VIT: variants seen among roughly 807,000 people sequenced by gnomAD.
VIT encodes the protein vitrin.
VIT carries 99 observed loss-of-function variants against 78.0 expected under a neutral mutation model. That is an observed-to-expected ratio of 1.27 (90% CI 1.08 to 1.50). VIT has a LOEUF of 1.50. VIT is among the 40% of genes most tolerant of loss of function. The pLI is 0.00. For missense variants in VIT, 1,126 were observed against 875.3 expected (o/e 1.29, Z -3.61); for synonymous variants, 374 against 334.3 (o/e 1.12, Z -1.29).
Position 36,776,856 on chromosome 2 carries a change from A to G in VIT, c.802+1789A>G, listed in dbSNP as rs879265203. On this transcript the variant is annotated intron_variant, in intron 9 of 15. Transcript: ENST00000379242. ...CTGTATCCCAGCACTTTGGGAGGCC[A>G]AGGAGGGCAGATCACGAGGTCAGGA... Among the ~76,000 whole-genome samples the G allele has an allele frequency of 1.7e-3, 261 of 151,190 alleles. 1 individual carries two copies. Among genetic ancestry groups the G allele is most frequent in the African/African-American group, 5.1e-3 (211 of 41,406 alleles).
Position 36,766,119 on chromosome 2 carries a change from GAT to G in VIT, c.488-972_488-971del, listed in dbSNP as rs536199000. Among the ~76,000 whole-genome samples the G allele has an allele frequency of 2.9e-3, 444 of 152,368 alleles. 1 individual carries two copies. The highest frequency in any genetic ancestry group is 5.5e-3 in the Non-Finnish European group (375 of 68,046). On this transcript the variant is annotated intron_variant, in intron 6 of 15. Transcript: ENST00000379242. ...TGTCCCCTTGCTCTAAACCTTCAGA[GAT>G]ATTCTCAGAGCACTAACAAACTGAG...
chr2:36,806,462 A>G (rs76914362), intron 14 of VIT, among the ~76,000 whole-genome samples: 12 of 150,722 alleles, frequency 8.0e-5, no homozygotes, highest in South Asian at 2.1e-4. Context: ...TCTACCCTCA[A>G]TGTTGACCTC....
chr2:36,703,981 G>T (rs1279310920), intron 1 of VIT, among the ~76,000 whole-genome samples: 2 of 142,692 alleles, frequency 1.4e-5, no homozygotes, highest in African/African-American at 2.6e-5. Flanking sequence ...CTGGAGTGCA[G>T]TGGCACGATC....
chr2:36,725,612 G>GGGGGC (rs1666792949), intron 2 of VIT, among the ~76,000 whole-genome samples: 2 of 90,090 alleles, frequency 2.2e-5, no homozygotes, highest in African/African-American at 8.5e-5. Flanking sequence ...TGGGGGGGGG[G>GGGGGC]TGGGTAAACA....
chr2:36,729,656 C>T (rs7607654), intron 3 of VIT, among the ~76,000 whole-genome samples, 165 bp downstream of exon 3: 5 of 152,088 alleles, frequency 3.3e-5, no homozygotes, highest in African/African-American at 1.2e-4. Context: ...TACCACATTC[C>T]AAAAAGTATT....
chr2:36,723,575 G>A (rs1281057015), intron 2 of VIT, among the ~76,000 whole-genome samples: 2 of 152,050 alleles, frequency 1.3e-5, no homozygotes, highest in African/African-American at 4.8e-5. Context: ...ATAGTTTCAA[G>A]CTTATTCATT....
intron 1 of VIT, among the ~76,000 whole-genome samples, chr2:36,706,037 G>C (rs764401691): frequency 5.3e-5 from 8 of 152,178 alleles, no homozygotes; most frequent in Non-Finnish European, 1.2e-4. Flanking sequence ...GTGAACTACT[G>C]TCATAAATAT....
intron 8 of VIT, among the ~76,000 whole-genome samples, chr2:36,774,166 C>T (rs572918209): frequency 9.9e-5 from 15 of 152,218 alleles, no homozygotes; most frequent in South Asian, 6.2e-4. Context: ...TGAGGAACTA[C>T]GGTAAAACAC....
In VIT at chr2:36,804,842, A is replaced by T. The variant is rs372030184; in HGVS notation, c.1163-596A>T. On this transcript the variant is annotated intron_variant, in intron 13 of 15. Coordinates refer to ENST00000379242, the MANE Select transcript of VIT (RefSeq NM_053276.4). The stretch of plus-strand genomic sequence containing the variant: ...AGAATCTGTCTCAGGGAAAAAAAAA[A>T]AAAGTCTTTCTCACCTGCTTGCTGT... Among the ~76,000 whole-genome samples, 14 of 152,178 alleles carry T rather than the reference A, an allele frequency of 9.2e-5. 1 individual carries two copies. The South Asian group carries it at 2.9e-3, about 32-fold the overall frequency.
At chr2:36,702,966 C>A (rs907080501) in intron 1 of VIT, among the ~76,000 whole-genome samples, 5 of 152,208 alleles carry the variant, frequency 3.3e-5, no homozygotes, top group Non-Finnish European at 5.9e-5. Flanking sequence ...CTCCATGCAC[C>A]TGACTCAGAC....
chr2:36,754,911 C>T lies in VIT; in HGVS notation c.276-10C>T. On this transcript the variant is annotated splice_polypyrimidine_tract_variant and intron_variant, in intron 4 of 15. Coordinates refer to ENST00000379242, the MANE Select transcript of VIT (RefSeq NM_053276.4). ...GTTCTTTCCTGAAAAATTATTTTTT[C>T]TCTTCATAGTGGTGTGCTTGATAAT... 1.3e-6 allele frequency: 2 copies of T among 1,598,770 alleles called. No homozygotes were observed. Among genetic ancestry groups the T allele is most frequent in the Admixed American group, 1.8e-5 (1 of 55,956 alleles).
At chr2:36,717,357 T>C (rs1337975084) in intron 2 of VIT, among the ~76,000 whole-genome samples, 35 of 141,738 alleles carry the variant, frequency 2.5e-4, no homozygotes, top group African/African-American at 8.8e-4. Flanking sequence ...TGTGTGTGTG[T>C]GTGTGTGTGT....
intron 3 of VIT, among the ~76,000 whole-genome samples, chr2:36,734,651 A>G (rs984337264): frequency 6.6e-6 from 1 of 152,218 alleles, no homozygotes; most frequent in African/African-American, 2.4e-5. Context: ...CTGCCATTCC[A>G]GTACATCTAT....
At chr2:36,709,095 A>G (rs1309197911) in intron 1 of VIT, among the ~76,000 whole-genome samples, 1 of 152,222 alleles carries the variant, frequency 6.6e-6, no homozygotes, top group African/African-American at 2.4e-5. Context: ...GGCTGCAGTG[A>G]GCCCAGATCA....
chr2:36,763,846 C>T (rs994726706), intron 6 of VIT, among the ~76,000 whole-genome samples: 3 of 152,150 alleles, frequency 2.0e-5, no homozygotes, highest in African/African-American at 7.2e-5. Flanking sequence ...ATCTCGGCCC[C>T]CGCAAGTGCT....
At chr2:36,797,930 G>A (rs1666025427) in intron 12 of VIT, among the ~76,000 whole-genome samples, 1 of 152,202 alleles carries the variant, frequency 6.6e-6, no homozygotes, top group African/African-American at 2.4e-5. Context: ...AGCTGGGGCT[G>A]GGAGTAAGGG....
intron 5 of VIT, among the ~76,000 whole-genome samples, chr2:36,756,675 G>A (rs947734989): frequency 6.6e-6 from 1 of 152,210 alleles, no homozygotes; most frequent in African/African-American, 2.4e-5. Flanking sequence ...GATAGCGGAA[G>A]GGTATCAACC....
At chr2:36,709,017 G>T (rs1167706499) in intron 1 of VIT, among the ~76,000 whole-genome samples, 2 of 152,162 alleles carry the variant, frequency 1.3e-5, no homozygotes, top group Non-Finnish European at 2.9e-5. Flanking sequence ...AGGTATGGTG[G>T]TGGATGCCTG....
intron 15 of VIT, among the ~76,000 whole-genome samples, chr2:36,810,503 G>C (rs946021443): frequency 6.6e-6 from 1 of 152,230 alleles, no homozygotes; most frequent in South Asian, 2.1e-4. Context: ...AAAACCCCAA[G>C]TGATAATAAT....
Sources: gnomAD v4.1 joint callset for allele counts (sites outside exome capture counted in the v4.1 genomes callset) on GRCh38, gnomAD v4.1.1 for gene constraint, MANE v1.5 for transcripts, NCBI Gene and HGNC (gene_info 2026-07-23, HGNC 2026-07-21) for gene names.